Variants in SKA1 observed in about 807,000 individuals in gnomAD.
SKA1 encodes the protein spindle and kinetochore associated complex subunit 1.
A neutral mutation model predicts 31.8 loss-of-function variants in SKA1; 20 were observed. The ratio of observed to expected loss-of-function variants is 0.63; its 90% confidence interval spans 0.44 to 0.91. The LOEUF (loss-of-function observed/expected upper bound fraction) is 0.91. SKA1 is among the 40% of genes least tolerant of loss of function. The pLI is 0.00. For missense variants in SKA1, 253 were observed against 298.2 expected (o/e 0.85, Z 1.12); for synonymous variants, 88 against 100.5 (o/e 0.88, Z 0.74).
rs375763517 is a variant in SKA1 at position 50,392,352 on chromosome 18, C to CTT, written c.*118_*119dup. ...TTTAACTTTTAATCTTTTTTGTTTC[C>CTT]TTTTTTTTTTTTTTGAGACAGGATC... is the stretch of plus-strand genomic sequence containing the variant. On this transcript the variant is annotated 3_prime_UTR_variant, in exon 7 of 7. Transcript: ENST00000285116. The CTT allele has an allele frequency of 2.4e-3, 1,382 of 567,110 alleles. No individual in the cohort carries two copies. Among genetic ancestry groups the CTT allele is most frequent in the East Asian group, 0.011 (256 of 23,528 alleles). 35.1% of individuals were successfully genotyped at this position (567,110 alleles called of 1,614,324 possible). A position where few individuals can be genotyped will look rare whatever the true frequency, so the allele number is the denominator to read the frequency against.
chr18:50,385,761 C>T (rs1459763202), intron 5 of SKA1, among the ~76,000 whole-genome samples: 1 of 152,154 alleles, frequency 6.6e-6, no homozygotes, highest in Admixed American at 6.5e-5. Context: ...ATATTCCAGG[C>T]CCTGGGTCAC....
At chr18:50,377,854 A>C (rs2041232585) in intron 2 of SKA1, among the ~76,000 whole-genome samples, 1 of 152,206 alleles carries the variant, frequency 6.6e-6, no homozygotes, top group Non-Finnish European at 1.5e-5. Flanking sequence ...ACTACTAATA[A>C]AGGAGCCTCA....
At position 50,377,533 on chromosome 18, in the gene SKA1, A is replaced by G. The variant is rs562853411; in HGVS notation, c.88+1615A>G. On this transcript the variant is annotated intron_variant, in intron 2 of 6. Transcript: ENST00000285116. ...AGCATCCATGAACTTGGAGATTTTAAGTATATTTGAAAATATTTTGACGTG... is the reference window on the plus strand; with the variant it reads ...AGCATCCATGAACTTGGAGATTTTAGGTATATTTGAAAATATTTTGACGTG... Among the ~76,000 whole-genome samples the G allele has an allele frequency of 1.1e-3, 163 of 152,344 alleles. 4 individuals are homozygous for G. The South Asian group carries it at 0.031, about 29-fold the overall frequency.
intron 1 of SKA1, 52 bp downstream of exon 1, chr18:50,375,246 G>T (rs1198779426): frequency 6.6e-6 from 1 of 152,614 alleles, no homozygotes; most frequent in Non-Finnish European, 1.5e-5. Context: ...CGAGGTAGCT[G>T]CTTGGCAGCT....
At position 50,392,755 on chromosome 18, in the gene SKA1, AG is replaced by A. The variant is rs1334181636; in HGVS notation, c.*509del. 7.0e-6 allele frequency: 1 copy of A among 143,502 alleles called. No individual in the cohort carries two copies. The highest frequency in any genetic ancestry group is 1.5e-5 in the Non-Finnish European group (1 of 66,458). The allele number at this position is 143,502 out of a possible 1,614,324, so 8.9% of individuals were successfully genotyped here. A position where few individuals can be genotyped will look rare whatever the true frequency, so the allele number is the denominator to read the frequency against. ...TTTTCTTTTTTTTTTTTTTTGAGAC[AG>A]TCTCGCTCTTTCACCCAGGCCGGAC... is the stretch of plus-strand genomic sequence containing the variant. On this transcript the variant is annotated 3_prime_UTR_variant, in exon 7 of 7. Coordinates refer to ENST00000285116, the MANE Select transcript of SKA1 (RefSeq NM_145060.4).
At chr18:50,385,808 C>A (rs2041302852) in intron 5 of SKA1, among the ~76,000 whole-genome samples, 1 of 152,170 alleles carries the variant, frequency 6.6e-6, no homozygotes, top group South Asian at 2.1e-4. Context: ...AATGCTTCCC[C>A]CAAAGAGGGG....
At chr18:50,377,983 G>C (rs948526900) in intron 2 of SKA1, among the ~76,000 whole-genome samples, 1 of 152,164 alleles carries the variant, frequency 6.6e-6, no homozygotes, top group Admixed American at 6.5e-5. Flanking sequence ...GAAGTCAGGT[G>C]GCTGGCCCAG....
chr18:50,391,405 C>A, intron 6 of SKA1, 112 bp downstream of exon 6: 1 of 1,071,086 alleles, frequency 9.3e-7, no homozygotes, highest in Non-Finnish European at 1.3e-6. Context: ...AATTCCCAAC[C>A]AGGAGCAGTT....
rs377141265 is a variant in SKA1, at chr18:50,385,353, C to A, written c.449C>A (p.Ser150Ter). Residue 150 changes from serine (S) to a stop codon, truncating the protein, a stop_gained and splice_region_variant, in exon 5 of 7, where the codon TCG becomes TAG. Transcript: ENST00000285116. LOFTEE classifies it high-confidence loss of function. ...ITCDEFNGVPSYMKSRLTYNQ... is the reference protein window; with the variant it reads ...ITCDEFNGVP ...TGTGATGAGTTCAATGGTGTTCCTTCGTAAGTATTTAAGATAAATAATGTT... is the reference window on the plus strand; with the variant it reads ...TGTGATGAGTTCAATGGTGTTCCTTAGTAAGTATTTAAGATAAATAATGTT... 6.3e-7 allele frequency: 1 copy of A among 1,596,930 alleles called. No homozygotes were observed. The highest frequency in any genetic ancestry group is 8.5e-7 in the Non-Finnish European group (1 of 1,172,386).
chr18:50,392,543 A>T lies in SKA1; in HGVS notation c.*296A>T, dbSNP rs1219664413. ...GCCACCATGCCTGGCTAATTTTTGTATTTTTTGGAGAGATGGGGTTTCACC... is the reference window on the plus strand; with the variant it reads ...GCCACCATGCCTGGCTAATTTTTGTTTTTTTTGGAGAGATGGGGTTTCACC... On this transcript the variant is annotated 3_prime_UTR_variant, in exon 7 of 7. Coordinates refer to ENST00000285116, the MANE Select transcript of SKA1 (RefSeq NM_145060.4). 1.2e-4 allele frequency: 21 copies of T among 179,018 alleles called. No homozygotes were observed. The highest frequency in any genetic ancestry group is 2.5e-4 in the Admixed American group (4 of 16,098). The allele number at this position is 179,018 out of a possible 1,614,324, so 11.1% of individuals were successfully genotyped here.
At position 50,390,587 on chromosome 18, in the gene SKA1, A is replaced by G. The variant is rs556628750; in HGVS notation, c.450-537A>G. Among the ~76,000 whole-genome samples the G allele has an allele frequency of 2.0e-5, 3 of 152,076 alleles. No homozygotes were observed. In the East Asian group the frequency reaches 5.8e-4, roughly 29 times the overall value. On this transcript the variant is annotated intron_variant, in intron 5 of 6. Coordinates refer to ENST00000285116, the MANE Select transcript of SKA1 (RefSeq NM_145060.4). ...TCCTCTGCCCAGGCAGCTTCCAGTCACTCACTCCTATATATCCCCTACCCC... is the reference window on the plus strand; with the variant it reads ...TCCTCTGCCCAGGCAGCTTCCAGTCGCTCACTCCTATATATCCCCTACCCC...
chr18:50,388,072 ATTTCT>A (rs1013387044), intron 5 of SKA1, among the ~76,000 whole-genome samples: 5 of 151,912 alleles, frequency 3.3e-5, no homozygotes, highest in Non-Finnish European at 7.4e-5. Context: ...TCTAGTTCCC[ATTTCT>A]TTTGTTTGTT....
intron 5 of SKA1, 74 bp from the exon 6 acceptor site, chr18:50,391,050 C>A: frequency 9.1e-7 from 1 of 1,096,758 alleles, no homozygotes; most frequent in Non-Finnish European, 1.3e-6. Flanking sequence ...AGTCATCATA[C>A]TTATGTTTTT....
intron 6 of SKA1, 143 bp from the exon 7 acceptor site, chr18:50,391,956 T>A (rs958303554): frequency 1.8e-6 from 1 of 555,768 alleles, no homozygotes; most frequent in Non-Finnish European, 3.0e-6. Context: ...ATAATTATTA[T>A]TTTAGCAAGA....
chr18:50,384,701 T>A (rs543125616), intron 4 of SKA1, among the ~76,000 whole-genome samples: 1 of 86,606 alleles, frequency 1.2e-5, no homozygotes, highest in South Asian at 3.5e-4. Flanking sequence ...CTCTGGGGAC[T>A]GTGGTGGGGT....
intron 2 of SKA1, among the ~76,000 whole-genome samples, chr18:50,379,305 T>TA (rs1462003728): frequency 6.6e-6 from 1 of 152,218 alleles, no homozygotes; most frequent in Non-Finnish European, 1.5e-5. Context: ...ATAAATGTCT[T>TA]ATGTTTGTTT....
chr18:50,387,252 G>A (rs896732263), intron 5 of SKA1, among the ~76,000 whole-genome samples: 2 of 152,216 alleles, frequency 1.3e-5, no homozygotes, highest in Non-Finnish European at 1.5e-5. Flanking sequence ...ATTCCCTAGT[G>A]ACATTTGACA....
At position 50,378,878 on chromosome 18, in the gene SKA1, TTAGA is replaced by T. The variant is rs369624663; in HGVS notation, c.89-1243_89-1240del. Among the ~76,000 whole-genome samples, 614 of 118,946 alleles carry T rather than the reference TTAGA, an allele frequency of 5.2e-3. 7 individuals carry two copies. Among genetic ancestry groups the T allele is most frequent in the African/African-American group, 0.018 (538 of 30,230 alleles). The allele number at this position is 118,946 out of a possible 152,430, so 78.0% of individuals were successfully genotyped here. On this transcript the variant is annotated intron_variant, in intron 2 of 6. Transcript: ENST00000285116. ...GTCAAATGCAAGTAGTGTTGCTCTA[TTAGA>T]TAGAATGATATACTCATGATGATGA...
chr18:50,381,452 T>C (rs902154885), intron 3 of SKA1, among the ~76,000 whole-genome samples: 2 of 152,200 alleles, frequency 1.3e-5, no homozygotes, highest in African/African-American at 4.8e-5. Context: ...TGGGGAGCAT[T>C]TGGTAAGCCA....
Sources: allele counts gnomAD v4.1 joint callset (sites outside exome capture counted in the v4.1 genomes callset), GRCh38; gene constraint gnomAD v4.1.1; transcripts MANE v1.5; gene names NCBI Gene and HGNC (gene_info 2026-07-23, HGNC 2026-07-21).